KAZN: variants seen among roughly 807,000 people sequenced by gnomAD.
The protein encoded by KAZN is kazrin.
KAZN carries 40 observed loss-of-function variants against 87.4 expected under a neutral mutation model. The observed-to-expected ratio is 0.46, with a 90% CI of 0.36 to 0.60. The LOEUF is 0.60. Ranked by LOEUF, KAZN falls within the 20% of genes least tolerant of loss-of-function variation. The pLI is 0.00. For synonymous variants in KAZN, 466 were observed against 458.3 expected (o/e 1.02, Z -0.22); for missense variants, 898 against 1,073.9 (o/e 0.84, Z 2.29).
At chr1:14,139,492 G>C (rs1261562774) in intron 1 of KAZN, among the ~76,000 whole-genome samples, 2 of 152,200 alleles carry the variant, frequency 1.3e-5, no homozygotes, top group African/African-American at 4.8e-5. Context: ...TTTGCTGGTT[G>C]CACGGCTAGG....
At position 14,002,059 on chromosome 1, in the gene KAZN, C is replaced by T. The variant is rs536806646; in HGVS notation, c.91+108303C>T. Among the ~76,000 whole-genome samples the T allele has an allele frequency of 4.6e-5, 7 of 152,232 alleles. No homozygotes were observed. The South Asian group carries it at 1.5e-3, about 32-fold the overall frequency. On this transcript the variant is annotated intron_variant, in intron 1 of 16. Coordinates refer to the KAZN transcript ENST00000636203. ...CAAAAGAAACTATTATCAGAGTGAA[C>T]AGGCAACCTACAGAATGGGAAAAAA...
chr1:14,821,677 G>A (rs768349714), intron 1 of KAZN, among the ~76,000 whole-genome samples: 6 of 152,186 alleles, frequency 3.9e-5, no homozygotes, highest in South Asian at 4.2e-4. Context: ...TACAAGCCAC[G>A]GAGAGAGGCC....
At chr1:15,097,128 G>C (rs1640839635) in intron 10 of KAZN, among the ~76,000 whole-genome samples, 1 of 152,116 alleles carries the variant, frequency 6.6e-6, no homozygotes. Flanking sequence ...AGTGAAGGGA[G>C]TTAAATTAGG....
rs181978307 is a variant in KAZN, at chr1:14,677,743, C to T, written c.226+78520C>T. Among the ~76,000 whole-genome samples the T allele has an allele frequency of 2.0e-3, 306 of 152,146 alleles. 2 individuals are homozygous for T. Among genetic ancestry groups the T allele is most frequent in the Non-Finnish European group, 4.0e-3 (270 of 67,986 alleles). ...CCTGCTCCCATCTGTGAAGAGAGAC[C>T]GAGGATGTGGCCTGCTAAGTCCAGA... On this transcript the variant is annotated intron_variant, in intron 1 of 14. Coordinates refer to ENST00000376030, the MANE Select transcript of KAZN (RefSeq NM_201628.3).
At chr1:14,547,401 T>C (rs1673223423) in intron 2 of KAZN, among the ~76,000 whole-genome samples, 1 of 152,214 alleles carries the variant, frequency 6.6e-6, no homozygotes, top group African/African-American at 2.4e-5. Flanking sequence ...TGACTATGTG[T>C]TCATAAAAAA....
chr1:14,475,750 C>A (rs1371100151), intron 2 of KAZN, among the ~76,000 whole-genome samples: 2 of 152,062 alleles, frequency 1.3e-5, no homozygotes, highest in African/African-American at 2.4e-5. Flanking sequence ...AGAATTTGAA[C>A]ATAAGTTGGA....
chr1:14,595,382 A>G (rs187297067), upstream of KAZN, among the ~76,000 whole-genome samples: 1 of 152,194 alleles, frequency 6.6e-6, no homozygotes, highest in Non-Finnish European at 1.5e-5. Context: ...CCTGGGGATA[A>G]GAAACGTAGA....
intron 3 of KAZN, among the ~76,000 whole-genome samples, chr1:15,040,351 G>C (rs540623697): frequency 6.6e-6 from 1 of 152,344 alleles, no homozygotes; most frequent in East Asian, 1.9e-4. Flanking sequence ...TTCTCCAGCA[G>C]ACTCCTGTAG....
intron 2 of KAZN, among the ~76,000 whole-genome samples, chr1:14,456,387 T>G (rs1356966851): frequency 6.6e-6 from 1 of 152,214 alleles, no homozygotes; most frequent in Non-Finnish European, 1.5e-5. Context: ...GGAATAGTAC[T>G]CTTAGTAGAT....
At chr1:15,046,625 G>T (rs139677704) in intron 4 of KAZN, among the ~76,000 whole-genome samples, 1 of 152,192 alleles carries the variant, frequency 6.6e-6, no homozygotes, top group Admixed American at 6.5e-5. Flanking sequence ...GTAAAACCAC[G>T]GCAGGATGGT....
At chr1:14,462,095 G>C (rs1414286216) in intron 2 of KAZN, among the ~76,000 whole-genome samples, 1 of 150,852 alleles carries the variant, frequency 6.6e-6, no homozygotes, top group African/African-American at 2.4e-5. Context: ...AAAGCTAAAA[G>C]TCTCCTCTTG....
intron 8 of KAZN, among the ~76,000 whole-genome samples, chr1:15,087,599 C>T (rs749328992): frequency 6.6e-5 from 10 of 152,166 alleles, no homozygotes; most frequent in Non-Finnish European, 1.2e-4. Context: ...TTCACCATGT[C>T]GGCCAGGGTG....
chr1:14,833,534 C>A (rs551727895), intron 1 of KAZN, among the ~76,000 whole-genome samples: 1 of 152,278 alleles, frequency 6.6e-6, no homozygotes, highest in South Asian at 2.1e-4. Context: ...CTCAGATATC[C>A]CGCCAAGGGG....
At chr1:14,177,300 A>G (rs972489901) in intron 1 of KAZN, among the ~76,000 whole-genome samples, 1 of 115,796 alleles carries the variant, frequency 8.6e-6, no homozygotes, top group Non-Finnish European at 1.7e-5. Flanking sequence ...TTTTAAATGA[A>G]TTAAAAGATG....
intron 1 of KAZN, among the ~76,000 whole-genome samples, chr1:14,683,841 A>G (rs2148768160): frequency 6.6e-6 from 1 of 152,290 alleles, no homozygotes; most frequent in East Asian, 1.9e-4. Flanking sequence ...CTTCTTAGTT[A>G]TTATTTTTTG....
At chr1:14,763,019 T>A (rs1204464052) in intron 1 of KAZN, among the ~76,000 whole-genome samples, 1 of 152,154 alleles carries the variant, frequency 6.6e-6, no homozygotes, top group Non-Finnish European at 1.5e-5. Context: ...AACTTGGCAG[T>A]CTGTGAGCTT....
At chr1:14,140,172 A>C (rs1274604323) in intron 1 of KAZN, among the ~76,000 whole-genome samples, 1 of 152,132 alleles carries the variant, frequency 6.6e-6, no homozygotes, top group East Asian at 1.9e-4. Context: ...CTTTATGATT[A>C]AACAGAGGCA....
At chr1:14,450,859 G>T (rs1173647085) in intron 2 of KAZN, among the ~76,000 whole-genome samples, 1 of 152,000 alleles carries the variant, frequency 6.6e-6, no homozygotes, top group Non-Finnish European at 1.5e-5. Context: ...CAGTGTTGGA[G>T]GTGGGGCCTG....
At position 14,949,933 on chromosome 1, in the gene KAZN, G is replaced by T. The variant is rs960919621; in HGVS notation, c.227-10751G>T. Among the ~76,000 whole-genome samples, 2 of 152,066 alleles carry T rather than the reference G, an allele frequency of 1.3e-5. No homozygotes were observed. The highest frequency in any genetic ancestry group is 4.8e-5 in the African/African-American group (2 of 41,376). On this transcript the variant is annotated intron_variant, in intron 1 of 14. Coordinates refer to ENST00000376030, the MANE Select transcript of KAZN (RefSeq NM_201628.3). The surrounding 1 kb of genome is among the most constrained non-coding windows in gnomAD (Gnocchi z 4.3). ...GCTTGGCACTCAGGGCACCGAGGAG[G>T]GTCTGGCTAAAGGTGTGTTTACAGG...
Sources: allele counts gnomAD v4.1 joint callset (sites outside exome capture counted in the v4.1 genomes callset), GRCh38; gene constraint gnomAD v4.1.1; non-coding constraint Gnocchi (gnomAD v3.1); transcripts MANE v1.5; gene names NCBI Gene and HGNC (gene_info 2026-07-23, HGNC 2026-07-21).